PKNOX2: variants seen among roughly 807,000 people sequenced by gnomAD.
The protein encoded by PKNOX2 is PBX/knotted 1 homeobox 2, also known as homeobox protein PKNOX2.
A neutral mutation model predicts 53.1 loss-of-function variants in PKNOX2; 14 were observed. The ratio of observed to expected loss-of-function variants is 0.26; its 90% confidence interval spans 0.17 to 0.41. PKNOX2 has a LOEUF of 0.41. PKNOX2 is among the 10% of genes least tolerant of loss of function. The probability of loss-of-function intolerance (pLI) is 1.00; values close to 1 mark genes in which losing one functional copy is unlikely to be tolerated. For synonymous variants in PKNOX2, 257 were observed against 242.8 expected, an observed-to-expected ratio of 1.06 and a Z score of -0.54; for missense variants, 496 against 602.8, an observed-to-expected ratio of 0.82 and a Z score of 1.85.
In PKNOX2 at chr11:125,245,835, G is replaced by A. The variant is rs1474674849; in HGVS notation, c.-130+10720G>A. On this transcript the variant is annotated intron_variant, in intron 2 of 12. Coordinates refer to ENST00000298282, the MANE Select transcript of PKNOX2 (RefSeq NM_001382323.2). Reference sequence around the variant, plus strand: ...AGTGAGGAAACTGAAATTCAGGCTGGTCTGGAACCTTAGGACTCCCAACTA... The same window carrying A: ...AGTGAGGAAACTGAAATTCAGGCTGATCTGGAACCTTAGGACTCCCAACTA... Among the ~76,000 whole-genome samples, 3 of 152,226 alleles carry A rather than the reference G, an allele frequency of 2.0e-5. No individual in the cohort carries two copies. In the East Asian group the frequency reaches 5.8e-4, roughly 29 times the overall value.
Position 125,387,479 on chromosome 11 carries a change from C to T in PKNOX2, c.399+1757C>T, listed in dbSNP as rs951833300. Among the ~76,000 whole-genome samples the T allele has an allele frequency of 2.0e-4, 31 of 152,326 alleles. 1 individual carries two copies. Among genetic ancestry groups the T allele is most frequent in the African/African-American group, 7.0e-4 (29 of 41,578 alleles). On this transcript the variant is annotated intron_variant, in intron 6 of 12. Transcript: ENST00000298282. ...AGACCCACCAAGAACGGCCTCCCATCCTAGCTCAGCCTGGAAAACGCCCAG... is the reference window on the plus strand; with the variant it reads ...AGACCCACCAAGAACGGCCTCCCATTCTAGCTCAGCCTGGAAAACGCCCAG...
chr11:125,261,545 A>G (rs1345293014), intron 2 of PKNOX2, among the ~76,000 whole-genome samples: 1 of 152,176 alleles, frequency 6.6e-6, no homozygotes, highest in African/African-American at 2.4e-5. Context: ...CTTCTTCCAC[A>G]TGCTCCCTCC....
rs199829069 is a variant in PKNOX2, at chr11:125,429,924, G to T, written c.1014-39G>T. The T allele has an allele frequency of 1.4e-4, 217 of 1,594,500 alleles. No individual in the cohort carries two copies. In the African/African-American group the frequency reaches 2.4e-3, roughly 18 times the overall value. On this transcript the variant is annotated intron_variant, in intron 11 of 12. Transcript: ENST00000298282. ...CCTGCCCCCACCCCAAGGCCATGCA[G>T]GTGATGACTAACCAGGTCTCCACTT... is the stretch of plus-strand genomic sequence containing the variant.
chr11:125,410,951 C>A, intron 9 of PKNOX2, 75 bp downstream of exon 9: 1 of 1,229,294 alleles, frequency 8.1e-7, no homozygotes, highest in Non-Finnish European at 1.2e-6. Context: ...ATCTGCCAGG[C>A]ACTTTACACG....
At chr11:125,410,655 C>A in intron 8 of PKNOX2, 124 bp from the exon 9 acceptor site, 1 of 746,682 alleles carries the variant, frequency 1.3e-6, no homozygotes, top group Non-Finnish European at 2.3e-6. Context: ...AGCCATAGCT[C>A]GCTACCCAAG....
Position 125,429,251 on chromosome 11 carries a change from A to C in PKNOX2, c.1013+163A>C, listed in dbSNP as rs183865730. Among the ~76,000 whole-genome samples the C allele has an allele frequency of 5.3e-4, 81 of 152,332 alleles. No homozygotes were observed. The Middle Eastern group carries it at 0.01, about 19-fold the overall frequency. On this transcript the variant is annotated intron_variant, in intron 11 of 12. Transcript: ENST00000298282. The stretch of plus-strand genomic sequence containing the variant: ...TTTAGGCTAGAAGCAGAAAGCAAGA[A>C]TCAACACTGGCACCTGTGGCTTCAT...
chr11:125,217,706 G>T (rs896125220), intron 1 of PKNOX2, among the ~76,000 whole-genome samples: 3 of 152,158 alleles, frequency 2.0e-5, no homozygotes, highest in African/African-American at 7.2e-5. Context: ...GGTCTACTTT[G>T]CATGGACTTT....
In PKNOX2 at chr11:125,368,527, T is replaced by A. The variant is rs536261869; in HGVS notation, c.227+542T>A. Among the ~76,000 whole-genome samples, 7 of 152,366 alleles carry A rather than the reference T, an allele frequency of 4.6e-5. No homozygotes were observed. The South Asian group carries it at 1.2e-3, about 27-fold the overall frequency. On this transcript the variant is annotated intron_variant, in intron 5 of 12. Coordinates refer to ENST00000298282, the MANE Select transcript of PKNOX2 (RefSeq NM_001382323.2). ...CATTTTTTAAAGCATTCCAGGTGAATCTGATGCAGCTGGTTATTGGACCAC... is the reference window on the plus strand; with the variant it reads ...CATTTTTTAAAGCATTCCAGGTGAAACTGATGCAGCTGGTTATTGGACCAC...
chr11:125,231,302 G>A (rs574015226), intron 1 of PKNOX2, among the ~76,000 whole-genome samples: 140 of 152,236 alleles, frequency 9.2e-4, no homozygotes, highest in African/African-American at 3.0e-3. Flanking sequence ...GTTCTATCAC[G>A]CTACCTCCTA....
intron 5 of PKNOX2, among the ~76,000 whole-genome samples, chr11:125,373,322 T>G (rs2136300224): frequency 6.6e-6 from 1 of 152,348 alleles, no homozygotes; most frequent in East Asian, 1.9e-4. Context: ...AGCCAGCATA[T>G]GCTGCTTTGG....
intron 4 of PKNOX2, among the ~76,000 whole-genome samples, chr11:125,353,395 G>A (rs1565504321): frequency 6.6e-6 from 1 of 152,240 alleles, no homozygotes; most frequent in Non-Finnish European, 1.5e-5. Flanking sequence ...GCTGCAGCAA[G>A]GGCCTGTGTT....
intron 5 of PKNOX2, among the ~76,000 whole-genome samples, chr11:125,383,450 A>C (rs952186842): frequency 1.3e-5 from 2 of 150,016 alleles, no homozygotes; most frequent in Non-Finnish European, 3.0e-5. Context: ...TCTGCTAAAA[A>C]AAAAAAAAAA....
At chr11:125,361,902 G>T (rs150562858) in intron 4 of PKNOX2, among the ~76,000 whole-genome samples, 1 of 152,352 alleles carries the variant, frequency 6.6e-6, no homozygotes, top group South Asian at 2.1e-4. Flanking sequence ...TCGGCCTCCA[G>T]GCTCCTCATA....
In PKNOX2 at chr11:125,241,583, G is replaced by A. The variant is rs1302840832; in HGVS notation, c.-130+6468G>A. ...GATTAAGAGAAAGGAGGGGACTGGC[G>A]CGGTGGCTCACGCCTGTAATCCCAG... On this transcript the variant is annotated intron_variant, in intron 2 of 12. Coordinates refer to ENST00000298282, the MANE Select transcript of PKNOX2 (RefSeq NM_001382323.2). Among the ~76,000 whole-genome samples, 8 of 152,314 alleles carry A rather than the reference G, an allele frequency of 5.3e-5. No individual in the cohort carries two copies. The South Asian group carries it at 8.3e-4, about 16-fold the overall frequency.
chr11:125,348,538 C>T (rs1389931558), intron 3 of PKNOX2, among the ~76,000 whole-genome samples: 1 of 152,226 alleles, frequency 6.6e-6, no homozygotes, highest in Non-Finnish European at 1.5e-5. Flanking sequence ...GGGTCTGGCC[C>T]TGCTCCGCAG....
chr11:125,303,455 C>T (rs989866325), intron 2 of PKNOX2, among the ~76,000 whole-genome samples: 11 of 152,004 alleles, frequency 7.2e-5, no homozygotes, highest in Non-Finnish European at 1.3e-4. Context: ...GCCCCAGGCT[C>T]GGGAAAGGAT....
chr11:125,412,994 C>G (rs1462904019), intron 10 of PKNOX2, among the ~76,000 whole-genome samples: 3 of 152,144 alleles, frequency 2.0e-5, no homozygotes, highest in Non-Finnish European at 2.9e-5. Flanking sequence ...TTGGGAAGTG[C>G]TGGACCTTCC....
intron 10 of PKNOX2, among the ~76,000 whole-genome samples, chr11:125,428,510 A>G (rs951326355): frequency 1.3e-5 from 2 of 152,228 alleles, no homozygotes; most frequent in Non-Finnish European, 2.9e-5. Flanking sequence ...GCACTATACA[A>G]GTAGTACTCT....
At chr11:125,299,842 G>A (rs892052232) in intron 2 of PKNOX2, among the ~76,000 whole-genome samples, 2 of 152,190 alleles carry the variant, frequency 1.3e-5, no homozygotes, top group Middle Eastern at 3.2e-3. Flanking sequence ...AGAAGCGACC[G>A]TGGGGCTTCC....
Sources: allele counts gnomAD v4.1 joint callset (sites outside exome capture counted in the v4.1 genomes callset), GRCh38; gene constraint gnomAD v4.1.1; transcripts MANE v1.5; gene names NCBI Gene and HGNC (gene_info 2026-07-23, HGNC 2026-07-21).